AHI1: variants seen among roughly 807,000 people sequenced by gnomAD.
AHI1 encodes Abelson helper integration site 1, also known as jouberin.
AHI1 carries 123 observed loss-of-function variants against 149.3 expected under a neutral mutation model. The observed-to-expected ratio is 0.82, with a 90% CI of 0.71 to 0.96. The LOEUF (loss-of-function observed/expected upper bound fraction) is 0.96, where lower values mean the gene tolerates loss of function less well. AHI1 is among the 40% of genes least tolerant of loss of function. The probability of loss-of-function intolerance (pLI) is 0.00; values close to 1 mark genes in which losing one functional copy is unlikely to be tolerated. For missense variants in AHI1, 1,439 were observed against 1,422.7 expected (o/e 1.01, Z -0.18); for synonymous variants, 475 against 459.8 (o/e 1.03, Z -0.42).
intron 20 of AHI1, among the ~76,000 whole-genome samples, chr6:135,420,334 T>A (rs2127993093): frequency 6.6e-6 from 1 of 152,334 alleles, no homozygotes; most frequent in South Asian, 2.1e-4. Flanking sequence ...TTACGAAATG[T>A]ATTTCTTAAA....
chr6:135,295,267 T>C (rs1275493909), intron 27 of AHI1, among the ~76,000 whole-genome samples: 1 of 152,170 alleles, frequency 6.6e-6, no homozygotes, highest in Non-Finnish European at 1.5e-5. Context: ...ACTGACCATA[T>C]CAAGTATTGG....
At chr6:135,440,299 A>T (rs1786076869) in intron 14 of AHI1, among the ~76,000 whole-genome samples, 1 of 152,176 alleles carries the variant, frequency 6.6e-6, no homozygotes, top group African/African-American at 2.4e-5. Context: ...GTGCATGTCA[A>T]AACAACCCGT....
intron 24 of AHI1, among the ~76,000 whole-genome samples, chr6:135,351,981 C>G (rs780989690): frequency 6.6e-6 from 1 of 152,186 alleles, no homozygotes; most frequent in Non-Finnish European, 1.5e-5. Context: ...TTTTTAACTA[C>G]AACTTTTCCT....
At chr6:135,489,069 A>G (rs1468707313) in intron 5 of AHI1, among the ~76,000 whole-genome samples, 1 of 152,198 alleles carries the variant, frequency 6.6e-6, no homozygotes, top group Admixed American at 6.5e-5. Flanking sequence ...TAGCAAATGA[A>G]AGCAGCTATT....
At chr6:135,434,198 A>G (rs1045128117) in intron 15 of AHI1, among the ~76,000 whole-genome samples, 4 of 143,112 alleles carry the variant, frequency 2.8e-5, no homozygotes, top group African/African-American at 7.9e-5. Context: ...CTGATAAGAG[A>G]AAAAAAAACA....
chr6:135,438,163 T>C (rs1199085694), intron 15 of AHI1, among the ~76,000 whole-genome samples: 1 of 152,176 alleles, frequency 6.6e-6, no homozygotes, highest in Admixed American at 6.5e-5. Context: ...ACTAGAAATA[T>C]TATATGCTAC....
At chr6:135,371,362 T>C (rs1775028785) in intron 23 of AHI1, among the ~76,000 whole-genome samples, 1 of 152,216 alleles carries the variant, frequency 6.6e-6, no homozygotes, top group Non-Finnish European at 1.5e-5. Context: ...GTGTTTTAGA[T>C]ATGTCAGGTG....
chr6:135,342,426 A>G (rs911630805), intron 24 of AHI1, among the ~76,000 whole-genome samples: 3 of 151,932 alleles, frequency 2.0e-5, no homozygotes, highest in African/African-American at 7.2e-5. Flanking sequence ...CGGTATTACC[A>G]TGATCCCAAA....
intron 23 of AHI1, among the ~76,000 whole-genome samples, chr6:135,364,960 C>A (rs1477774383): frequency 2.2e-4 from 32 of 148,632 alleles, no homozygotes; most frequent in Admixed American, 2.0e-3. Context: ...GGAGTGGGAG[C>A]GGGAGCGTCT....
chr6:135,497,156 T>C (rs1796084160), intron 2 of AHI1, 32 bp downstream of exon 2: 1 of 152,248 alleles, frequency 6.6e-6, no homozygotes, highest in African/African-American at 2.4e-5. Flanking sequence ...ATTAATATAA[T>C]TTGGCTCTTA....
chr6:135,294,459 A>AGATCAC (rs1782798445), intron 27 of AHI1, among the ~76,000 whole-genome samples: 1 of 152,158 alleles, frequency 6.6e-6, no homozygotes. Flanking sequence ...CAGTGAGCCA[A>AGATCAC]GATCACGCCA....
At position 135,309,258 on chromosome 6, in the gene AHI1, T is replaced by C. The variant is rs574262680; in HGVS notation, c.3427-8700A>G. On this transcript the variant is annotated intron_variant, in intron 26 of 28. Coordinates refer to ENST00000265602, the MANE Select transcript of AHI1 (RefSeq NM_001134831.2). ...TGAGGTAAAGGTAACTCACACAGGC[T>C]TTGCTGTTACATCACTGGGATACCA... is the stretch of plus-strand genomic sequence containing the variant. Among the ~76,000 whole-genome samples, 57 of 152,300 alleles carry C rather than the reference T, an allele frequency of 3.7e-4. 1 individual carries two copies. The South Asian group carries it at 0.011, about 29-fold the overall frequency.
At chr6:135,387,777 C>G (rs1277110245) in intron 23 of AHI1, 1 of 1,232,408 alleles carries the variant, frequency 8.1e-7, no homozygotes, top group African/African-American at 1.6e-5. Context: ...ATCAAAAAAG[C>G]CTCCCATAAC....
intron 21 of AHI1, among the ~76,000 whole-genome samples, chr6:135,409,755 A>C (rs1781321933): frequency 6.6e-6 from 1 of 152,138 alleles, no homozygotes; most frequent in Non-Finnish European, 1.5e-5. Flanking sequence ...AAATCAAGCG[A>C]TTTCACTAGG....
At chr6:135,481,705 C>CTTT (rs147878972) in intron 5 of AHI1, among the ~76,000 whole-genome samples, 1 of 139,716 alleles carries the variant, frequency 7.2e-6, no homozygotes, top group Admixed American at 7.1e-5. Context: ...TATTGTTGTC[C>CTTT]TTTTTTTTTT....
chr6:135,445,880 C>T (rs1787117208), intron 13 of AHI1, among the ~76,000 whole-genome samples: 1 of 151,958 alleles, frequency 6.6e-6, no homozygotes, highest in Non-Finnish European at 1.5e-5. Flanking sequence ...CATGGTGAAA[C>T]CCCATCTCTA....
In AHI1 at chr6:135,433,051, T is replaced by C; in HGVS notation, c.2242A>G (p.Asn748Asp). 1 of 1,612,910 alleles carries C rather than the reference T, an allele frequency of 6.2e-7. No individual in the cohort carries two copies. Among genetic ancestry groups the C allele is most frequent in the Non-Finnish European group, 8.5e-7 (1 of 1,179,018 alleles). Residue 748 changes from asparagine (N) to aspartate (D), a missense_variant, in exon 16 of 29, where the codon AAC (asparagine) becomes GAC (aspartate). Physicochemically the swap from Asn to Asp is conservative, Grantham distance 23 (BLOSUM62 1). Coordinates refer to ENST00000265602, the MANE Select transcript of AHI1 (RefSeq NM_001134831.2). The stretch of plus-strand genomic sequence containing the variant: ...CCTTCAGTATCAAAACAAAGTGAGT[T>C]GATAAAACTTTTGTGAACATCAAAC... The part of the protein sequence containing the change: ...RQFDVHKSFI[N>D]SLCFDTEGHH...
intron 27 of AHI1, 57 bp from the exon 28 acceptor site, chr6:135,290,582 C>T: frequency 6.3e-7 from 1 of 1,584,240 alleles, no homozygotes. Context: ...GAGCTAAAAG[C>T]TCAGATGAGG....
intron 2 of AHI1, among the ~76,000 whole-genome samples, chr6:135,496,502 T>C (rs1375753636): frequency 6.7e-6 from 1 of 149,942 alleles, no homozygotes; most frequent in Admixed American, 6.6e-5. Flanking sequence ...AAAAATCAGA[T>C]AGGACTTTAA....
Sources: gnomAD v4.1 joint callset for allele counts (sites outside exome capture counted in the v4.1 genomes callset) on GRCh38, gnomAD v4.1.1 for gene constraint, MANE v1.5 for transcripts, NCBI Gene and HGNC (gene_info 2026-07-23, HGNC 2026-07-21) for gene names.